Variants in ZNF34 observed in about 807,000 individuals in gnomAD.
ZNF34 encodes the protein zinc finger protein 34.
Under a neutral mutation model 14.4 loss-of-function variants are expected in ZNF34, and 8 were observed. That is an observed-to-expected ratio of 0.55 (90% CI 0.33 to 1.00). The LOEUF is 1.00. Ranked by LOEUF, ZNF34 falls within the 50% of genes least tolerant of loss-of-function variation. The pLI is 0.03. For missense variants in ZNF34, 538 were observed against 674.2 expected (o/e 0.80, Z 2.24); for synonymous variants, 235 against 247.9 (o/e 0.95, Z 0.49).
At chr8:144,782,200 T>A (rs1396435489) in intron 1 of ZNF34, among the ~76,000 whole-genome samples, 1 of 152,134 alleles carries the variant, frequency 6.6e-6, no homozygotes, top group Non-Finnish European at 1.5e-5. Context: ...TGGGCACCTG[T>A]AATCCCAGCT....
chr8:144,778,801 C>T (rs1254278421), intron 2 of ZNF34, among the ~76,000 whole-genome samples: 3 of 151,812 alleles, frequency 2.0e-5, no homozygotes, highest in Admixed American at 6.6e-5. Context: ...GGCGTGATCT[C>T]GGCTCACTGC....
intron 1 of ZNF34, among the ~76,000 whole-genome samples, chr8:144,782,276 C>T (rs926206514): frequency 5.9e-5 from 9 of 151,948 alleles, no homozygotes; most frequent in African/African-American, 1.9e-4. Context: ...GAGCCGAGAT[C>T]GCACCACTGC....
chr8:144,783,333 G>T (rs1336194963), intron 1 of ZNF34, among the ~76,000 whole-genome samples: 1 of 152,104 alleles, frequency 6.6e-6, no homozygotes, highest in Non-Finnish European at 1.5e-5. Flanking sequence ...ACAAGAGAGG[G>T]ACGTTCCCTC....
Position 144,777,417 on chromosome 8 carries a change from C to T in ZNF34, c.280+41G>A, listed in dbSNP as rs1318117917. On this transcript the variant is annotated intron_variant, in intron 5 of 5. Coordinates refer to ENST00000429371, the MANE Select transcript of ZNF34 (RefSeq NM_001286769.2). This position sits in a 1 kb window ranked among gnomAD's most constrained non-coding sequence, Gnocchi z 4.8. ...GACACCCTGGACCCCAATAAAGGCT[C>T]GTTCGGTGACTTGAGTTGGGGAGCA... is the stretch of plus-strand genomic sequence containing the variant. 5.8e-6 allele frequency: 9 copies of T among 1,546,942 alleles called. No homozygotes were observed. Among genetic ancestry groups the T allele is most frequent in the South Asian group, 1.2e-5 (1 of 83,562 alleles).
At chr8:144,786,295 A>G (rs1826231807) in intron 1 of ZNF34, among the ~76,000 whole-genome samples, 1 of 151,106 alleles carries the variant, frequency 6.6e-6, no homozygotes, top group Non-Finnish European at 1.5e-5. Context: ...TGCCATACAT[A>G]TGTAGATTTT....
At position 144,773,283 on chromosome 8, in the gene ZNF34, C is replaced by G; in HGVS notation, c.1603G>C (p.Glu535Gln). The part of the protein sequence containing the change: ...MCQHQRIHLR[E>Q]DFSM ...CGCCACTGTTACATGGAGAAGTCCT[C>G]CCGGAGGTGAATCCGCTGATGCTGA... is the stretch of plus-strand genomic sequence containing the variant. The change falls in exon 6 of 6, where the codon GAG (glutamate) becomes CAG (glutamine). Residue 535 changes from glutamate (E) to glutamine (Q), a missense_variant. Physicochemically the swap from Glu to Gln is conservative, Grantham distance 29 (BLOSUM62 2). Around this residue, in one of 3 missense-constraint regions of ZNF34, gnomAD observed 101 missense variants for 123.1 expected, o/e 0.82. Coordinates refer to ENST00000429371, the MANE Select transcript of ZNF34 (RefSeq NM_001286769.2). This position sits in a 1 kb window ranked among gnomAD's most constrained non-coding sequence, Gnocchi z 5.4. 6.2e-7 allele frequency: 1 copy of G among 1,609,120 alleles called. No homozygotes were observed.
In ZNF34 at chr8:144,777,971, C is replaced by A; in HGVS notation, c.160+67G>T. Reference sequence around the variant, plus strand: ...TGTGCCCAGGGGGTGAGGCCCCTAGCCCAGCCTCTGCTGAGCCCTTAGCCC... The same window carrying A: ...TGTGCCCAGGGGGTGAGGCCCCTAGACCAGCCTCTGCTGAGCCCTTAGCCC... On this transcript the variant is annotated intron_variant, in intron 4 of 5. Coordinates refer to ENST00000429371, the MANE Select transcript of ZNF34 (RefSeq NM_001286769.2). The surrounding 1 kb of genome is among the most constrained non-coding windows in gnomAD (Gnocchi z 4.8). The A allele has an allele frequency of 6.3e-7, 1 of 1,592,100 alleles. No individual in the cohort carries two copies. The highest frequency in any genetic ancestry group is 2.3e-5 in the East Asian group (1 of 43,794).
intron 1 of ZNF34, among the ~76,000 whole-genome samples, chr8:144,781,658 C>A (rs1563791710): frequency 2.7e-5 from 4 of 150,938 alleles, no homozygotes; most frequent in Admixed American, 6.6e-5. Flanking sequence ...TGAACATTAC[C>A]AAAAAAAACA....
Position 144,777,447 on chromosome 8 carries a change from C to T in ZNF34, c.280+11G>A. The T allele has an allele frequency of 6.4e-7, 1 of 1,550,982 alleles. No homozygotes were observed. The highest frequency in any genetic ancestry group is 8.7e-7 in the Non-Finnish European group (1 of 1,146,622). On this transcript the variant is annotated intron_variant, in intron 5 of 5. Coordinates refer to ENST00000429371, the MANE Select transcript of ZNF34 (RefSeq NM_001286769.2). The surrounding 1 kb of genome is among the most constrained non-coding windows in gnomAD (Gnocchi z 4.8). ...GGTGACTTGAGTTGGGGAGCAGATC[C>T]CCTCACGCACCTGGGCTGTTGACTC...
chr8:144,774,490 C>G lies in ZNF34; in HGVS notation c.396G>C (p.Gly132=). The G allele has an allele frequency of 6.2e-7, 1 of 1,613,992 alleles. No homozygotes were observed. Among genetic ancestry groups the G allele is most frequent in the Non-Finnish European group, 8.5e-7 (1 of 1,179,896 alleles). ...EACDHISKSE[G]SLEKLVEQRG... ...TCTGCTCCACTAGCTTTTCCAGGCT[C>G]CCCTCTGACTTACTGATGTGGTCAC... Residue 132 remains glycine, a synonymous_variant, in exon 6 of 6, where the codon GGG becomes GGC. Coordinates refer to ENST00000429371, the MANE Select transcript of ZNF34 (RefSeq NM_001286769.2).
intron 5 of ZNF34, among the ~76,000 whole-genome samples, chr8:144,777,000 A>T (rs1486164873): frequency 6.6e-6 from 1 of 151,974 alleles, no homozygotes; most frequent in Admixed American, 6.6e-5. Context: ...ACTACAACAC[A>T]ACTATGTCTG....
At chr8:144,784,003 T>C (rs1826064465) in intron 1 of ZNF34, among the ~76,000 whole-genome samples, 1 of 151,426 alleles carries the variant, frequency 6.6e-6, no homozygotes. Flanking sequence ...CTACTAACAA[T>C]ATAAAATTAG....
intron 1 of ZNF34, among the ~76,000 whole-genome samples, chr8:144,781,134 C>CAAATAAATACATAAAT (rs1825853006): frequency 7.1e-6 from 1 of 140,312 alleles, no homozygotes; most frequent in African/African-American, 2.6e-5. Context: ...GACTCCATCT[C>CAAATAAATACATAAAT]AAATAAATAA....
intron 1 of ZNF34, among the ~76,000 whole-genome samples, chr8:144,786,063 C>T (rs1051470997): frequency 7.0e-6 from 1 of 143,740 alleles, no homozygotes; most frequent in African/African-American, 2.6e-5. Flanking sequence ...TGGCTCACTG[C>T]AAGCTCCGCC....
chr8:144,773,447 T>A lies in ZNF34; in HGVS notation c.1439A>T (p.Lys480Ile). Residue 480 changes from lysine to isoleucine, a missense_variant, in exon 6 of 6, where the codon AAA (lysine) becomes ATA (isoleucine). Lys to Ile is a moderately radical substitution (Grantham distance 102). Coordinates refer to ENST00000429371, the MANE Select transcript of ZNF34 (RefSeq NM_001286769.2). This position sits in a 1 kb window ranked among gnomAD's most constrained non-coding sequence, Gnocchi z 5.4. The stretch of plus-strand genomic sequence containing the variant: ...CTTGCAATCGCTGCATCTGTAGGGT[T>A]TCTCTCCGTGGTGCAGCCTCTGGTG... ...IHHQRLHHGE[K>I]PYRCSDCKKA... 1 of 1,614,068 alleles carries A rather than the reference T, an allele frequency of 6.2e-7. No homozygotes were observed. The highest frequency in any genetic ancestry group is 8.5e-7 in the Non-Finnish European group (1 of 1,180,014).
intron 1 of ZNF34, among the ~76,000 whole-genome samples, chr8:144,784,712 C>T (rs982750863): frequency 1.3e-5 from 2 of 151,874 alleles, no homozygotes; most frequent in Non-Finnish European, 2.9e-5. Flanking sequence ...GAGCCAAGAT[C>T]ACGCCACTGC....
rs1460498859 is a variant in ZNF34 at position 144,777,681 on chromosome 8, G to A, written c.161-104C>T. The A allele has an allele frequency of 2.2e-6, 3 of 1,374,482 alleles. No homozygotes were observed. The highest frequency in any genetic ancestry group is 3.0e-6 in the Non-Finnish European group (3 of 1,016,370). The allele number at this position is 1,374,482 out of a possible 1,614,324, so 85.1% of individuals were successfully genotyped here. ...GGTAAGGGAGGCACAGGCAGAGGGG[G>A]TGATGGAAGCCTGGACACTCTCTGG... On this transcript the variant is annotated intron_variant, in intron 4 of 5. Coordinates refer to ENST00000429371, the MANE Select transcript of ZNF34 (RefSeq NM_001286769.2). The surrounding 1 kb of genome is among the most constrained non-coding windows in gnomAD (Gnocchi z 4.8).
intron 5 of ZNF34, 56 bp from the exon 6 acceptor site, chr8:144,774,661 C>T (rs1489152223): frequency 6.5e-7 from 1 of 1,541,622 alleles, no homozygotes; most frequent in Non-Finnish European, 8.7e-7. Context: ...GGAAGGTAGG[C>T]ATGAGATGCT....
chr8:144,782,864 A>AAAAAAAAAAAAG (rs1825980295), intron 1 of ZNF34, among the ~76,000 whole-genome samples: 1 of 141,954 alleles, frequency 7.0e-6, no homozygotes, highest in Non-Finnish European at 1.6e-5. Flanking sequence ...AAAAAAAAAA[A>AAAAAAAAAAAAG]AAAAAAAAAA....
Sources: gnomAD v4.1 joint callset for allele counts (sites outside exome capture counted in the v4.1 genomes callset) on GRCh38, gnomAD v4.1.1 for gene constraint, gnomAD v4.1.1 regional missense constraint, Gnocchi (gnomAD v3.1) non-coding constraint, MANE v1.5 for transcripts, NCBI Gene and HGNC (gene_info 2026-07-23, HGNC 2026-07-21) for gene names.